ZNG1A: variants seen among roughly 807,000 people sequenced by gnomAD.
ZNG1A encodes zinc-regulated GTPase metalloprotein activator 1A.
chr9:164,344 TATC>T, the ZNG1A span: 1 of 249,974 alleles, frequency 4.0e-6, no homozygotes, highest in African/African-American at 2.5e-5. Flanking sequence ...TAACAGATAT[TATC>T]AAACAATTTG....
the ZNG1A span, among the ~76,000 whole-genome samples, chr9:161,244 G>A: frequency 6.6e-6 from 1 of 151,854 alleles, no homozygotes; most frequent in African/African-American, 2.4e-5. Flanking sequence ...CGAGGCGGGT[G>A]GATCACTTGA....
At chr9:140,150 T>C in the ZNG1A span, among the ~76,000 whole-genome samples, 1 of 151,106 alleles carries the variant, frequency 6.6e-6, no homozygotes, top group Non-Finnish European at 1.5e-5. Context: ...TCGAACTGGG[T>C]GGAGCCCACC....
the ZNG1A span, among the ~76,000 whole-genome samples, chr9:126,588 T>A: frequency 6.6e-6 from 1 of 152,130 alleles, no homozygotes; most frequent in Non-Finnish European, 1.5e-5. Flanking sequence ...TTATTTGGAT[T>A]TTCTCTCTTT....
chr9:150,554 G>A, the ZNG1A span: 1 of 982,532 alleles, frequency 1.0e-6, no homozygotes, highest in Non-Finnish European at 1.2e-6. Context: ...TCATTGAAAA[G>A]GATTCTAATG....
the ZNG1A span, among the ~76,000 whole-genome samples, chr9:138,517 G>C: frequency 2.4e-5 from 3 of 125,118 alleles, no homozygotes; most frequent in South Asian, 8.5e-4. Flanking sequence ...TTCAAAATGT[G>C]AACAATACTA....
the ZNG1A span, among the ~76,000 whole-genome samples, chr9:159,128 A>G: frequency 6.7e-6 from 1 of 149,590 alleles, no homozygotes; most frequent in Non-Finnish European, 1.5e-5. Flanking sequence ...TTTATATTAC[A>G]TAGATGTCCA....
chr9:159,358 G>A, the ZNG1A span, among the ~76,000 whole-genome samples: 20 of 148,702 alleles, frequency 1.3e-4, no homozygotes, highest in Non-Finnish European at 2.8e-4. Flanking sequence ...GTCATGGAGA[G>A]CTAATTACAG....
At chr9:149,732 T>C in the ZNG1A span, among the ~76,000 whole-genome samples, 5 of 150,442 alleles carry the variant, frequency 3.3e-5, no homozygotes, top group South Asian at 2.1e-4. Flanking sequence ...AGGCAGTTTG[T>C]CAAATTAATT....
At chr9:139,324 TAGAA>T in the ZNG1A span, among the ~76,000 whole-genome samples, 1 of 145,996 alleles carries the variant, frequency 6.8e-6, no homozygotes, top group Non-Finnish European at 1.5e-5. Context: ...GTCAACCCCA[TAGAA>T]AGAGTGTAGA....
chr9:151,337 T>C, the ZNG1A span: 1 of 981,460 alleles, frequency 1.0e-6, no homozygotes. Flanking sequence ...AAAGAAAGAA[T>C]TTCTCCAGTA....
At chr9:128,494 A>G in the ZNG1A span, among the ~76,000 whole-genome samples, 1,873 of 148,784 alleles carry the variant, frequency 0.013, 36 homozygotes, top group African/African-American at 0.044. Context: ...AGAGCATTTT[A>G]TATTTCTATA....
chr9:149,210 G>T, the ZNG1A span: 1 of 151,584 alleles, frequency 6.6e-6, no homozygotes, highest in Non-Finnish European at 1.5e-5. Flanking sequence ...CTCCCAAGAG[G>T]CATGTTGCTT....
At chr9:167,423 T>C in the ZNG1A span, 3 of 150,504 alleles carry the variant, frequency 2.0e-5, no homozygotes, top group Non-Finnish European at 4.4e-5. Flanking sequence ...GTGTGACTGA[T>C]AAATTTTATA....
the ZNG1A span, among the ~76,000 whole-genome samples, chr9:141,494 G>C: frequency 2.0e-5 from 3 of 149,548 alleles, no homozygotes; most frequent in African/African-American, 7.5e-5. Context: ...CAAATGCTGA[G>C]AGATTTTGTC....
the ZNG1A span, among the ~76,000 whole-genome samples, chr9:156,837 A>G: frequency 6.6e-6 from 1 of 152,156 alleles, no homozygotes; most frequent in Non-Finnish European, 1.5e-5. Flanking sequence ...TCATAAAAAC[A>G]TAGAAGATTA....
At chr9:141,639 A>G in the ZNG1A span, among the ~76,000 whole-genome samples, 1 of 151,198 alleles carries the variant, frequency 6.6e-6, no homozygotes, top group Admixed American at 6.6e-5. Flanking sequence ...TCAACTAACC[A>G]GCAAAATAAC....
chr9:150,139 T>TTTTTG, the ZNG1A span: 1 of 127,536 alleles, frequency 7.8e-6, no homozygotes, highest in Admixed American at 7.9e-5. Context: ...TTTTTTTTTT[T>TTTTTG]TTTTTGAGAC....
the ZNG1A span, among the ~76,000 whole-genome samples, chr9:170,479 A>G: frequency 6.6e-6 from 1 of 150,680 alleles, no homozygotes; most frequent in Admixed American, 6.6e-5. Context: ...TCCGCCTCCC[A>G]GCTTTCAAGC....
the ZNG1A span, chr9:162,558 A>G: frequency 7.0e-7 from 1 of 1,436,280 alleles, no homozygotes; most frequent in African/African-American, 1.5e-5. Flanking sequence ...AATTAAAACT[A>G]ACCTATTTCA....
Sources: gnomAD v4.1 joint callset for allele counts (sites outside exome capture counted in the v4.1 genomes callset) on GRCh38, gnomAD v4.1.1 for gene constraint, MANE v1.5 for transcripts, NCBI Gene and HGNC (gene_info 2026-07-23, HGNC 2026-07-21) for gene names.